Variants in RBMS2 observed in about 807,000 individuals in gnomAD.
The protein encoded by RBMS2 is RNA binding motif single stranded interacting protein 2, also known as RNA-binding motif, single-stranded-interacting protein 2.
In RBMS2, 38 loss-of-function variants were observed where a neutral mutation model predicts 58.4. The ratio of observed to expected loss-of-function variants is 0.65; its 90% CI spans 0.50 to 0.85. The LOEUF (loss-of-function observed/expected upper bound fraction) is 0.85. Ranked by LOEUF, RBMS2 falls within the 40% of genes least tolerant of loss-of-function variation. RBMS2 has a pLI of 0.00. For synonymous variants in RBMS2, 151 were observed against 180.7 expected (o/e 0.84, Z 1.32); for missense variants, 367 against 503.7 (o/e 0.73, Z 2.60).
At chr12:56,555,735 G>GCCTA (rs1879119228) in intron 1 of RBMS2, among the ~76,000 whole-genome samples, 1 of 152,014 alleles carries the variant, frequency 6.6e-6, no homozygotes, top group Non-Finnish European at 1.5e-5. Context: ...GATTACAGGT[G>GCCTA]CCTACCACCA....
intron 12 of RBMS2, 70 bp downstream of exon 12, chr12:56,588,444 G>C: frequency 7.4e-7 from 1 of 1,355,086 alleles, no homozygotes; most frequent in Non-Finnish European, 1.1e-6. Context: ...CCCTGATCAA[G>C]ATCTTTCTCT....
In RBMS2 at chr12:56,557,741, C is replaced by T. The variant is rs1365214770; in HGVS notation, c.67-4676C>T. On this transcript the variant is annotated intron_variant, in intron 1 of 13. Transcript: ENST00000262031. ...AATAGCCTCTTTTTTCTTTTCTTTT[C>T]TTTTTTTTTTTTTTGAGACGGAGTT... Among the ~76,000 whole-genome samples the T allele has an allele frequency of 2.9e-3, 411 of 141,352 alleles. 3 individuals are homozygous for T. Among genetic ancestry groups the T allele is most frequent in the African/African-American group, 9.9e-3 (381 of 38,384 alleles). The allele number at this position is 141,352 out of a possible 152,430, so 92.7% of individuals were successfully genotyped here.
At chr12:56,529,433 ACACACCTGTAGCCCCAGCTACT>A (rs1490110487) in intron 1 of RBMS2, among the ~76,000 whole-genome samples, 28 of 151,784 alleles carry the variant, frequency 1.8e-4, no homozygotes, top group African/African-American at 6.8e-4. Flanking sequence ...CTGGTGTGCA[ACACACCTGTAGCCCCAGCTACT>A]CGGAAGGCTG....
At chr12:56,572,914 A>C in intron 5 of RBMS2, 1 of 985,166 alleles carries the variant, frequency 1.0e-6, no homozygotes. Flanking sequence ...TATTCCCTAT[A>C]CCTGCAGTTT....
chr12:56,533,321 C>T (rs919501621), intron 1 of RBMS2, among the ~76,000 whole-genome samples: 4 of 151,310 alleles, frequency 2.6e-5, no homozygotes, highest in Admixed American at 6.6e-5. Context: ...AAGATGGTCT[C>T]GAACTCCTGA....
In RBMS2 at chr12:56,522,048, C is replaced by T. The variant is rs1216100826; in HGVS notation, c.25C>T (p.Pro9Ser). Residue 9 changes from proline (P) to serine (S), a missense_variant, in exon 1 of 14, where the codon CCC (proline) becomes TCC (serine). Transcript: ENST00000262031. ...AATGCTGCTATCCGTGACTTCCAGG[C>T]CCGGGATTTCGACTTTTGGCTACAA... Reference protein sequence around the residue: MLLSVTSRPGISTFGYNRN... With the variant: MLLSVTSRSGISTFGYNRN... The T allele has an allele frequency of 6.3e-7, 1 of 1,598,366 alleles. No homozygotes were observed. Among genetic ancestry groups the T allele is most frequent in the Admixed American group, 1.7e-5 (1 of 59,442 alleles).
chr12:56,530,930 GA>G (rs1182742402), intron 1 of RBMS2, among the ~76,000 whole-genome samples: 2 of 152,138 alleles, frequency 1.3e-5, no homozygotes, highest in African/African-American at 4.8e-5. Flanking sequence ...GTTAAGGCAT[GA>G]CTGTGGCCCT....
intron 1 of RBMS2, among the ~76,000 whole-genome samples, chr12:56,527,567 G>C (rs765752835): frequency 1.2e-4 from 18 of 151,988 alleles, no homozygotes; most frequent in Non-Finnish European, 2.6e-4. Flanking sequence ...AGCCGAGATC[G>C]CGCCATTGCA....
chr12:56,557,095 A>G (rs1879363504), intron 1 of RBMS2, among the ~76,000 whole-genome samples: 1 of 152,130 alleles, frequency 6.6e-6, no homozygotes, highest in Admixed American at 6.6e-5. Context: ...CTCTTGTTGA[A>G]GAATTAGAAC....
At chr12:56,523,441 G>A (rs1030653952) in intron 1 of RBMS2, among the ~76,000 whole-genome samples, 10 of 152,224 alleles carry the variant, frequency 6.6e-5, no homozygotes, top group African/African-American at 1.9e-4. Flanking sequence ...TATGTATCCC[G>A]TAACATGTTG....
At chr12:56,572,282 C>T (rs1882424931) in intron 5 of RBMS2, among the ~76,000 whole-genome samples, 1 of 122,368 alleles carries the variant, frequency 8.2e-6, no homozygotes, top group Non-Finnish European at 1.6e-5. Flanking sequence ...GAGTGAGACT[C>T]TGTCTCAAAA....
Position 56,552,912 on chromosome 12 carries a change from A to G in RBMS2, c.67-9505A>G, listed in dbSNP as rs75162617. Among the ~76,000 whole-genome samples, 33 of 148,718 alleles carry G rather than the reference A, an allele frequency of 2.2e-4. 2 individuals carry two copies. The East Asian group carries it at 6.2e-3, about 28-fold the overall frequency. On this transcript the variant is annotated intron_variant, in intron 1 of 13. Transcript: ENST00000262031. ...TATCAGTAATAGTTATTCTTTTAAA[A>G]TTAAGAGTCCTTTTTTTTTTTTTTT...
At chr12:56,572,475 G>A (rs1882468592) in intron 5 of RBMS2, among the ~76,000 whole-genome samples, 1 of 150,134 alleles carries the variant, frequency 6.7e-6, no homozygotes, top group East Asian at 2.1e-4. Context: ...ACAGGCATGA[G>A]CCACCACACT....
intron 5 of RBMS2, among the ~76,000 whole-genome samples, chr12:56,574,172 A>G (rs1219785548): frequency 6.6e-6 from 1 of 152,190 alleles, no homozygotes; most frequent in Non-Finnish European, 1.5e-5. Flanking sequence ...AAATTTCCTG[A>G]CAGCAGTAAC....
intron 1 of RBMS2, among the ~76,000 whole-genome samples, chr12:56,558,281 C>T (rs1191674374): frequency 2.3e-4 from 2 of 8,870 alleles, no homozygotes; most frequent in African/African-American, 3.4e-4. Flanking sequence ...CTCTTGACCT[C>T]ATGATCCGCC....
Position 56,589,361 on chromosome 12 carries a change from G to C in RBMS2, c.*228G>C. 1.7e-6 allele frequency: 2 copies of C among 1,183,194 alleles called. No individual in the cohort carries two copies. Among genetic ancestry groups the C allele is most frequent in the Non-Finnish European group, 2.2e-6 (2 of 929,612 alleles). 73.3% of individuals were successfully genotyped at this position (1,183,194 alleles called of 1,614,324 possible). On this transcript the variant is annotated 3_prime_UTR_variant, in exon 14 of 14. Transcript: ENST00000262031. ...CTGGGGGAACCATCACTTTTTTTGT[G>C]TGCTACATTCAAGGAGATCAAAAAA...
chr12:56,586,536 TAGAG>T (rs144389677), intron 9 of RBMS2, among the ~76,000 whole-genome samples: 2,502 of 152,170 alleles, frequency 0.016, 66 homozygotes, highest in African/African-American at 0.055. Context: ...TATATCTTCT[TAGAG>T]AGATATCTTT....
chr12:56,588,576 C>T, intron 12 of RBMS2: 1 of 596,210 alleles, frequency 1.7e-6, no homozygotes, highest in Non-Finnish European at 3.0e-6. Flanking sequence ...GATTATGGCC[C>T]CTGTGCAAGG....
chr12:56,589,121 T>C lies in RBMS2; in HGVS notation c.*7-19T>C, dbSNP rs1885100677. On this transcript the variant is annotated intron_variant, in intron 13 of 13. Transcript: ENST00000262031. ...TCTCATGTTTGTCTTGTCTCCTCTC[T>C]GGCTTGTGCCTTCTTTAGGATTCCC... 1.3e-6 allele frequency: 2 copies of C among 1,581,126 alleles called. No homozygotes were observed. Among genetic ancestry groups the C allele is most frequent in the Non-Finnish European group, 1.7e-6 (2 of 1,163,162 alleles).
Sources: gnomAD v4.1 joint callset for allele counts (sites outside exome capture counted in the v4.1 genomes callset) on GRCh38, gnomAD v4.1.1 for gene constraint, MANE v1.5 for transcripts, NCBI Gene and HGNC (gene_info 2026-07-23, HGNC 2026-07-21) for gene names.